The following CDC34 variants were observed in gnomAD, a reference collection of about 807,000 sequenced individuals.
CDC34 encodes the protein cell division cycle 34, ubiquitin conjugating enzyme, also known as ubiquitin-conjugating enzyme E2 R1.
In CDC34, 18 loss-of-function variants were observed where a neutral mutation model predicts 26.8. The observed-to-expected ratio is 0.67, with a 90% CI of 0.47 to 1.00. CDC34 has a LOEUF of 1.00. CDC34 is among the 50% of genes least tolerant of loss of function. The probability of loss-of-function intolerance (pLI) is 0.00; values close to 1 mark genes in which losing one functional copy is unlikely to be tolerated. For synonymous variants in CDC34, 178 were observed against 147.5 expected (o/e 1.21, Z -1.50); for missense variants, 280 against 334.5 (o/e 0.84, Z 1.27).
rs1001383918 is a variant in CDC34 at position 541,736 on chromosome 19, C to G, written c.*184C>G. The G allele has an allele frequency of 1.7e-5, 10 of 580,804 alleles. No individual in the cohort carries two copies. In the Admixed American group the frequency reaches 1.9e-4, roughly 11 times the overall value. The allele number at this position is 580,804 out of a possible 1,614,324, so 36.0% of individuals were successfully genotyped here. Reference sequence around the variant, plus strand: ...CGTGCTTCAGAGAAGAGGGGCTGCCCCACCGCCACTCACGTCACTCGGGGC... The same window carrying G: ...CGTGCTTCAGAGAAGAGGGGCTGCCGCACCGCCACTCACGTCACTCGGGGC... On this transcript the variant is annotated 3_prime_UTR_variant, in exon 5 of 5. Transcript: ENST00000215574.
At chr19:538,951 G>T in intron 4 of CDC34, 3 of 985,358 alleles carry the variant, frequency 3.0e-6, no homozygotes, top group Non-Finnish European at 3.6e-6. Flanking sequence ...TCCTTGGCCC[G>T]GTTCTTCCCG....
chr19:539,806 G>C (rs567133305), intron 4 of CDC34, among the ~76,000 whole-genome samples: 24 of 152,332 alleles, frequency 1.6e-4, no homozygotes, highest in African/African-American at 5.8e-4. Context: ...GTCCTGGGGG[G>C]ACATTCTTGA....
At chr19:534,399 A>ATAATC in intron 1 of CDC34, among the ~76,000 whole-genome samples, 1 of 138,134 alleles carries the variant, frequency 7.2e-6, no homozygotes, top group Non-Finnish European at 1.5e-5. Flanking sequence ...GGCCTCGCCC[A>ATAATC]CAATCCAAGA....
At chr19:534,189 C>A (rs1425636073) in intron 1 of CDC34, among the ~76,000 whole-genome samples, 1 of 152,172 alleles carries the variant, frequency 6.6e-6, no homozygotes, top group Non-Finnish European at 1.5e-5. Context: ...GGCCTGAAGT[C>A]TTGGGGAACC....
chr19:541,214 G>A, intron 4 of CDC34, 125 bp from the exon 5 acceptor site: 1 of 1,263,526 alleles, frequency 7.9e-7, no homozygotes, highest in South Asian at 1.6e-5. Flanking sequence ...GTCCTAAGTG[G>A]TCGCCACACG....
chr19:534,411 CCCCGAGTACCCT>C (rs1979633241), intron 1 of CDC34, among the ~76,000 whole-genome samples: 2 of 130,576 alleles, frequency 1.5e-5, no homozygotes, highest in South Asian at 2.4e-4. Flanking sequence ...AATCCAAGAC[CCCCGAGTACCCT>C]CCCTGTCCAG....
chr19:535,469 C>A (rs966197769), intron 1 of CDC34, among the ~76,000 whole-genome samples: 2 of 152,246 alleles, frequency 1.3e-5, no homozygotes, highest in Admixed American at 1.3e-4. Flanking sequence ...GAGCCCCTGC[C>A]AGTCCATTCT....
chr19:533,637 G>T (rs942309626), intron 1 of CDC34, among the ~76,000 whole-genome samples: 1 of 152,260 alleles, frequency 6.6e-6, no homozygotes, highest in Non-Finnish European at 1.5e-5. Flanking sequence ...TGCTGTTCTG[G>T]AAGGAGGGGA....
In CDC34 at chr19:535,970, A is replaced by G. The variant is rs28731438; in HGVS notation, c.264+47A>G. 23 of 1,543,216 alleles carry G rather than the reference A, an allele frequency of 1.5e-5. No homozygotes were observed. In the Middle Eastern group the frequency reaches 6.8e-4, roughly 45 times the overall value. ...CTCAAGTCCTCATCCTCCGGGACCCAGGGTGCTGGGAGCCTCACGTCCTCA... is the reference window on the plus strand; with the variant it reads ...CTCAAGTCCTCATCCTCCGGGACCCGGGGTGCTGGGAGCCTCACGTCCTCA... On this transcript the variant is annotated intron_variant, in intron 2 of 4. Transcript: ENST00000215574.
At chr19:538,729 G>C (rs1432259271) in intron 4 of CDC34, 1 of 985,264 alleles carries the variant, frequency 1.0e-6, no homozygotes. Context: ...GGTACCTGGT[G>C]TCGTGGGGTC....
At chr19:537,678 C>G (rs1979823938) in intron 4 of CDC34, among the ~76,000 whole-genome samples, 1 of 41,368 alleles carries the variant, frequency 2.4e-5, no homozygotes, top group African/African-American at 5.4e-5. Context: ...TTTTTGGAGA[C>G]AGAGTTATAC....
At chr19:536,216 G>A in intron 2 of CDC34, 27 bp from the exon 3 acceptor site, 1 of 1,578,978 alleles carries the variant, frequency 6.3e-7, no homozygotes, top group Non-Finnish European at 8.6e-7. Context: ...CCTCTGACCT[G>A]TTCTGACCTG....
At chr19:537,896 A>G (rs949199527) in intron 4 of CDC34, among the ~76,000 whole-genome samples, 1 of 151,820 alleles carries the variant, frequency 6.6e-6, no homozygotes, top group Non-Finnish European at 1.5e-5. Flanking sequence ...ACCTCAGGTG[A>G]TCCACCCGCC....
Position 541,218 on chromosome 19 carries a change from C to A in CDC34, c.498-121C>A, listed in dbSNP as rs551772306. On this transcript the variant is annotated intron_variant, in intron 4 of 4. Transcript: ENST00000215574. ...CACAGGGCTTTGTCCTAAGTGGTCG[C>A]CACACGCCGTTTTAAGAGAAACCTG... 7.6e-6 allele frequency: 10 copies of A among 1,307,810 alleles called. No individual in the cohort carries two copies. In the African/African-American group the frequency reaches 1.3e-4, roughly 18 times the overall value. 81.0% of individuals were successfully genotyped at this position (1,307,810 alleles called of 1,614,324 possible).
chr19:533,464 G>A (rs1979590537), intron 1 of CDC34, among the ~76,000 whole-genome samples: 1 of 152,266 alleles, frequency 6.6e-6, no homozygotes, highest in Non-Finnish European at 1.5e-5. Context: ...ACGCCCGTGG[G>A]TTCTGCATCT....
At chr19:537,674 G>C (rs1222760565) in intron 4 of CDC34, among the ~76,000 whole-genome samples, 1 of 27,946 alleles carries the variant, frequency 3.6e-5, no homozygotes, top group Non-Finnish European at 9.3e-5. Context: ...TTTTTTTTTG[G>C]AGACAGAGTT....
chr19:536,754 G>C (rs1979774126), intron 3 of CDC34: 2 of 563,830 alleles, frequency 3.5e-6, no homozygotes, highest in Non-Finnish European at 6.4e-6. Context: ...GGCAGGACGT[G>C]CGGGTGTGAG....
intron 1 of CDC34, among the ~76,000 whole-genome samples, chr19:533,368 C>G (rs1953257796): frequency 6.6e-6 from 1 of 152,216 alleles, no homozygotes; most frequent in African/African-American, 2.4e-5. Flanking sequence ...GCTCTCCGAG[C>G]TAATTAGTGT....
At chr19:535,176 G>A (rs1042633280) in intron 1 of CDC34, among the ~76,000 whole-genome samples, 37 of 152,222 alleles carry the variant, frequency 2.4e-4, no homozygotes, top group African/African-American at 8.7e-4. Context: ...AGCAGATCTG[G>A]ACCTCCAGGG....
Sources: gnomAD v4.1 joint callset for allele counts (sites outside exome capture counted in the v4.1 genomes callset) on GRCh38, gnomAD v4.1.1 for gene constraint, MANE v1.5 for transcripts, NCBI Gene and HGNC (gene_info 2026-07-23, HGNC 2026-07-21) for gene names.